The following LHFPL3 variants were observed in gnomAD, a reference collection of about 807,000 sequenced individuals.
The protein encoded by LHFPL3 is LHFPL tetraspan subfamily member 3.
A neutral mutation model predicts 19.3 loss-of-function variants in LHFPL3; 5 were observed. The observed-to-expected ratio is 0.26, with a 90% CI of 0.14 to 0.54. The LOEUF (loss-of-function observed/expected upper bound fraction) is 0.54. Ranked by LOEUF, LHFPL3 falls within the 20% of genes least tolerant of loss-of-function variation. The probability of loss-of-function intolerance (pLI) is 0.94; values close to 1 mark genes in which losing one functional copy is unlikely to be tolerated. For missense variants in LHFPL3, 249 were observed against 307.4 expected (o/e 0.81, Z 1.42); for synonymous variants, 133 against 126.2 (o/e 1.05, Z -0.36).
intron 1 of LHFPL3, among the ~76,000 whole-genome samples, chr7:104,655,574 G>A (rs1452768903): frequency 6.6e-6 from 1 of 152,186 alleles, no homozygotes; most frequent in Non-Finnish European, 1.5e-5. Context: ...GTGGACAAGG[G>A]TCAAATACAT....
chr7:104,693,790 TG>T (rs201042172), intron 1 of LHFPL3, among the ~76,000 whole-genome samples: 2 of 89,666 alleles, frequency 2.2e-5, no homozygotes, highest in African/African-American at 4.2e-5. Context: ...CTGCTAATTG[TG>T]GGGTTTTTTT....
intron 1 of LHFPL3, among the ~76,000 whole-genome samples, chr7:104,635,294 A>G (rs1432843270): frequency 2.6e-5 from 4 of 152,294 alleles, no homozygotes; most frequent in Non-Finnish European, 4.4e-5. Flanking sequence ...ATAACTTTCT[A>G]TTACTGGATG....
At chr7:104,469,126 T>G (rs186336452) in intron 1 of LHFPL3, among the ~76,000 whole-genome samples, 195 of 152,306 alleles carry the variant, frequency 1.3e-3, no homozygotes, top group African/African-American at 4.2e-3. Context: ...CCTCGGTCAC[T>G]GGAGTAAATA....
intron 1 of LHFPL3, among the ~76,000 whole-genome samples, chr7:104,450,925 A>G (rs1457656725): frequency 1.3e-5 from 2 of 152,184 alleles, no homozygotes; most frequent in Non-Finnish European, 2.9e-5. Context: ...GTCTCTGAAA[A>G]GCCTTCACTA....
chr7:104,341,682 G>A (rs1789956310), intron 1 of LHFPL3, among the ~76,000 whole-genome samples: 1 of 152,108 alleles, frequency 6.6e-6, no homozygotes, highest in Admixed American at 6.6e-5. Flanking sequence ...ATAGGGAAAT[G>A]GGTCAGGATC....
chr7:104,783,109 A>G (rs1025738718), intron 2 of LHFPL3, among the ~76,000 whole-genome samples: 4 of 152,258 alleles, frequency 2.6e-5, no homozygotes, highest in African/African-American at 9.6e-5. Context: ...ACTTCAGACT[A>G]GGGAATCAGA....
chr7:104,793,052 C>A (rs1351894123), intron 2 of LHFPL3, among the ~76,000 whole-genome samples: 1 of 152,184 alleles, frequency 6.6e-6, no homozygotes, highest in Non-Finnish European at 1.5e-5. Context: ...CCTGCCACCA[C>A]ACCCAGCTAA....
At chr7:104,638,167 C>T (rs538372582) in intron 1 of LHFPL3, among the ~76,000 whole-genome samples, 2 of 152,202 alleles carry the variant, frequency 1.3e-5, no homozygotes, top group South Asian at 2.1e-4. Context: ...AATGAAATTA[C>T]GTTCTTTGAT....
intron 1 of LHFPL3, among the ~76,000 whole-genome samples, chr7:104,443,966 C>A (rs1429048946): frequency 6.6e-6 from 1 of 152,212 alleles, no homozygotes; most frequent in Non-Finnish European, 1.5e-5. Context: ...TAAACTAATG[C>A]AGTATTCATT....
intron 2 of LHFPL3, among the ~76,000 whole-genome samples, chr7:104,871,358 T>C (rs1292596235): frequency 3.3e-5 from 5 of 152,162 alleles, no homozygotes; most frequent in Non-Finnish European, 7.4e-5. Context: ...TACACCTGCA[T>C]AGGGCACTTA....
In LHFPL3 at chr7:104,488,103, C is replaced by T. The variant is rs551951677; in HGVS notation, c.445+158879C>T. On this transcript the variant is annotated intron_variant, in intron 1 of 2. Coordinates refer to ENST00000424859, the MANE Select transcript of LHFPL3 (RefSeq NM_199000.3). ...ACTCTACTGGCAATGGGACTCTTAA[C>T]GTCAGAAAATGTATTTTTTGTCATT... Among the ~76,000 whole-genome samples the T allele has an allele frequency of 3.3e-5, 5 of 152,280 alleles. No homozygotes were observed. In the South Asian group the frequency reaches 1.0e-3, roughly 32 times the overall value.
intron 1 of LHFPL3, among the ~76,000 whole-genome samples, chr7:104,463,606 G>C (rs6979684): frequency 6.6e-6 from 1 of 152,206 alleles, no homozygotes; most frequent in African/African-American, 2.4e-5. Context: ...AGTCATGGCA[G>C]AAGGGGAAGC....
chr7:104,533,274 TCTC>T (rs1794336785), intron 1 of LHFPL3, among the ~76,000 whole-genome samples: 1 of 152,320 alleles, frequency 6.6e-6, no homozygotes, highest in African/African-American at 2.4e-5. Context: ...CTGTCATAGT[TCTC>T]CTCCTCCTTT....
Position 104,905,202 on chromosome 7 carries a change from C to T in LHFPL3, c.683-985C>T, listed in dbSNP as rs753114730. Among the ~76,000 whole-genome samples, 6 of 152,150 alleles carry T rather than the reference C, an allele frequency of 3.9e-5. 1 individual carries two copies. The highest frequency in any genetic ancestry group is 1.4e-4 in the African/African-American group (6 of 41,516). On this transcript the variant is annotated intron_variant, in intron 2 of 2. Transcript: ENST00000424859. ...AACTTCTGAGCTCAAAAGATCCTCC[C>T]GCCTCAGCTTCCCAAAATGCTGGGA...
At chr7:104,706,422 T>C (rs1455578203) in intron 1 of LHFPL3, among the ~76,000 whole-genome samples, 1 of 152,184 alleles carries the variant, frequency 6.6e-6, no homozygotes, top group Non-Finnish European at 1.5e-5. Flanking sequence ...CACCTCTCTA[T>C]ATTGTTGAAG....
At chr7:104,507,582 G>C (rs1472454471) in intron 1 of LHFPL3, among the ~76,000 whole-genome samples, 1 of 100,736 alleles carries the variant, frequency 9.9e-6, no homozygotes, top group Non-Finnish European at 2.1e-5. Flanking sequence ...CAAAAGCAAT[G>C]GCAACAAAAG....
At chr7:104,715,144 TA>T (rs1793363850) in intron 1 of LHFPL3, among the ~76,000 whole-genome samples, 1 of 151,754 alleles carries the variant, frequency 6.6e-6, no homozygotes, top group Admixed American at 6.6e-5. Flanking sequence ...TCTACAAAAA[TA>T]AAAAAATAAG....
chr7:104,450,671 A>G (rs933241674), intron 1 of LHFPL3, among the ~76,000 whole-genome samples: 4 of 152,150 alleles, frequency 2.6e-5, no homozygotes, highest in Non-Finnish European at 4.4e-5. Flanking sequence ...GTGTATACCT[A>G]TGTAACAAAC....
intron 1 of LHFPL3, among the ~76,000 whole-genome samples, chr7:104,347,789 G>A (rs560595966): frequency 9.2e-5 from 14 of 152,114 alleles, no homozygotes; most frequent in African/African-American, 3.4e-4. Flanking sequence ...TTACTGGGGA[G>A]GCTGAGGCAG....
Sources: gnomAD v4.1 joint callset for allele counts (sites outside exome capture counted in the v4.1 genomes callset) on GRCh38, gnomAD v4.1.1 for gene constraint, MANE v1.5 for transcripts, NCBI Gene and HGNC (gene_info 2026-07-23, HGNC 2026-07-21) for gene names.